Variants in BACH2 observed in about 807,000 individuals in gnomAD.
The protein encoded by BACH2 is transcription regulator protein BACH2.
A neutral mutation model predicts 61.8 loss-of-function variants in BACH2; 5 were observed. That is an observed-to-expected ratio of 0.08 (90% confidence interval 0.04 to 0.17). The LOEUF is 0.17. BACH2 is among the 10% of genes least tolerant of loss of function. The probability of loss-of-function intolerance (pLI) is 1.00; values close to 1 mark genes in which losing one functional copy is unlikely to be tolerated. For synonymous variants in BACH2, 446 were observed against 440.1 expected, an observed-to-expected ratio of 1.01 and a Z score of -0.17; for missense variants, 824 against 1,091.1, an observed-to-expected ratio of 0.76 and a Z score of 3.45.
chr6:90,048,427 G>C (rs9444735), intron 5 of BACH2, among the ~76,000 whole-genome samples: 21,299 of 152,142 alleles, frequency 0.14, 4,582 homozygotes, highest in African/African-American at 0.46. Flanking sequence ...CATGTCATCA[G>C]ACATGGTATT....
intron 3 of BACH2, among the ~76,000 whole-genome samples, chr6:90,214,843 C>T (rs897133195): frequency 2.0e-5 from 3 of 148,334 alleles, no homozygotes; most frequent in Non-Finnish European, 4.4e-5. Context: ...CTCACTGAAG[C>T]CTCAACCTCC....
At chr6:90,017,665 T>TA (rs890917544) in intron 5 of BACH2, among the ~76,000 whole-genome samples, 1 of 152,216 alleles carries the variant, frequency 6.6e-6, no homozygotes, top group African/African-American at 2.4e-5. Flanking sequence ...TGGTCTTTTA[T>TA]AAAAAATCTT....
chr6:90,218,920 C>CGTGTGTGTGTGT (rs3221352), intron 3 of BACH2, among the ~76,000 whole-genome samples: 46 of 140,494 alleles, frequency 3.3e-4, no homozygotes, highest in African/African-American at 1.1e-3. Flanking sequence ...GTTTCCTTTC[C>CGTGTGTGTGTGT]GTGTGTGTGT....
rs1189092524 is a variant in BACH2 at position 90,296,611 on chromosome 6, C to A, written c.-577G>T. ...AAGCTCGCGGAGGGGACGCGCATCACATGGCAGCTCGTTCCCAGCCCCCCG... is the reference window on the plus strand; with the variant it reads ...AAGCTCGCGGAGGGGACGCGCATCAAATGGCAGCTCGTTCCCAGCCCCCCG... On this transcript the variant is annotated 5_prime_UTR_variant, in exon 1 of 9. It removes an upstream start codon present in the reference 5' UTR. Coordinates refer to ENST00000257749, the MANE Select transcript of BACH2 (RefSeq NM_021813.4). 6.6e-6 allele frequency: 1 copy of A among 151,914 alleles called. No homozygotes were observed. Among genetic ancestry groups the A allele is most frequent in the African/African-American group, 2.4e-5 (1 of 41,288 alleles). The allele number at this position is 151,914 out of a possible 1,614,324, so 9.4% of individuals were successfully genotyped here.
chr6:89,969,713 G>A lies in BACH2; in HGVS notation c.244-17851C>T, dbSNP rs77402565. Among the ~76,000 whole-genome samples, 442 of 152,254 alleles carry A rather than the reference G, an allele frequency of 2.9e-3. 6 individuals carry two copies. Among genetic ancestry groups the A allele is most frequent in the African/African-American group, 0.01 (423 of 41,540 alleles). On this transcript the variant is annotated intron_variant, in intron 6 of 8. Transcript: ENST00000257749. ...CCCACCTAAATGAAACTTCAAATGG[G>A]GCTCATAAAAGGGAATGACATGACA...
rs146958135 is a variant in BACH2 at position 90,061,629 on chromosome 6, T to C, written c.-13+27332A>G. Among the ~76,000 whole-genome samples, 99 of 151,400 alleles carry C rather than the reference T, an allele frequency of 6.5e-4. 1 individual carries two copies. In the East Asian group the frequency reaches 0.015, roughly 22 times the overall value. On this transcript the variant is annotated intron_variant, in intron 5 of 8. Coordinates refer to ENST00000257749, the MANE Select transcript of BACH2 (RefSeq NM_021813.4). Reference sequence around the variant, plus strand: ...CAAGTGAGAGTGCAGAGAGAAAACATAGGGACAGACTGAGCCTCAGGGCAC... The same window carrying C: ...CAAGTGAGAGTGCAGAGAGAAAACACAGGGACAGACTGAGCCTCAGGGCAC...
intron 4 of BACH2, among the ~76,000 whole-genome samples, chr6:90,203,331 A>T (rs1769263368): frequency 7.7e-6 from 1 of 129,916 alleles, no homozygotes; most frequent in Non-Finnish European, 1.6e-5. Flanking sequence ...GGATTGCTTG[A>T]GTCCAGGAGG....
intron 5 of BACH2, among the ~76,000 whole-genome samples, chr6:90,047,786 G>C (rs1779859624): frequency 6.6e-6 from 1 of 152,070 alleles, no homozygotes; most frequent in Non-Finnish European, 1.5e-5. Context: ...CCCAAAACCA[G>C]AACTTGGGTT....
intron 4 of BACH2, among the ~76,000 whole-genome samples, chr6:90,185,390 T>C (rs947129486): frequency 3.9e-5 from 6 of 152,154 alleles, no homozygotes; most frequent in African/African-American, 2.4e-5. Context: ...ATTCTTAATA[T>C]GTAAAACATG....
At position 90,037,572 on chromosome 6, in the gene BACH2, G is replaced by C. The variant is rs569393622; in HGVS notation, c.-12-28716C>G. Among the ~76,000 whole-genome samples, 4 of 152,238 alleles carry C rather than the reference G, an allele frequency of 2.6e-5. No homozygotes were observed. In the East Asian group the frequency reaches 5.8e-4, roughly 22 times the overall value. ...TTGGATTACCTACCTCTTTCTGCAA[G>C]AGCTCAACAGCACGCTTCACATATC... On this transcript the variant is annotated intron_variant, in intron 5 of 8. Coordinates refer to ENST00000257749, the MANE Select transcript of BACH2 (RefSeq NM_021813.4).
chr6:90,190,425 T>G (rs986583635), intron 4 of BACH2, among the ~76,000 whole-genome samples: 1 of 152,264 alleles, frequency 6.6e-6, no homozygotes, highest in Admixed American at 6.5e-5. Flanking sequence ...TTTCTGCTCT[T>G]CTGCTAATAA....
intron 3 of BACH2, among the ~76,000 whole-genome samples, chr6:90,236,862 T>C (rs751486722): frequency 6.6e-6 from 1 of 152,174 alleles, no homozygotes; most frequent in Non-Finnish European, 1.5e-5. Flanking sequence ...CATGCACTTA[T>C]ACTATGTCCA....
intron 5 of BACH2, among the ~76,000 whole-genome samples, chr6:90,048,387 C>T (rs1385194499): frequency 2.6e-5 from 4 of 152,130 alleles, no homozygotes; most frequent in African/African-American, 7.2e-5. Context: ...CCTTGGTATC[C>T]CTTGGGCCTA....
At chr6:90,065,475 T>C (rs1195942562) in intron 5 of BACH2, among the ~76,000 whole-genome samples, 2 of 151,972 alleles carry the variant, frequency 1.3e-5, no homozygotes, top group African/African-American at 2.4e-5. Flanking sequence ...CTGTGGGCCA[T>C]ATGATCATCT....
At chr6:90,003,656 C>T (rs1375704017) in intron 6 of BACH2, among the ~76,000 whole-genome samples, 1 of 152,146 alleles carries the variant, frequency 6.6e-6, no homozygotes, top group Non-Finnish European at 1.5e-5. Flanking sequence ...GAGAGGAAGA[C>T]TAGTTTGCTG....
At position 89,931,935 on chromosome 6, in the gene BACH2, A is replaced by ATATATATATATATATATATATTT. The variant is rs1772671429; in HGVS notation, c.*472_*473insAAATATATATATATATATATATA. 2 of 448 alleles carry ATATATATATATATATATATATTT rather than the reference A, an allele frequency of 4.5e-3. No homozygotes were observed. The highest frequency in any genetic ancestry group is 0.071 in the South Asian group (1 of 14). 0.0% of individuals were successfully genotyped at this position (448 alleles called of 1,614,324 possible). A position where few individuals can be genotyped will look rare whatever the true frequency, so the allele number is the denominator to read the frequency against. ...AGGCATGCAGGACTTTTGCATATGG[A>ATATATATATATATATATATATTT]TATATATATATATATATATATATTT... On this transcript the variant is annotated 3_prime_UTR_variant, in exon 9 of 9. Coordinates refer to ENST00000257749, the MANE Select transcript of BACH2 (RefSeq NM_021813.4).
chr6:90,030,822 G>GAGGGAA (rs1778936774), intron 5 of BACH2, among the ~76,000 whole-genome samples: 1 of 151,872 alleles, frequency 6.6e-6, no homozygotes, highest in Non-Finnish European at 1.5e-5. Context: ...CCAATCAATA[G>GAGGGAA]AAAAAGAGGG....
intron 7 of BACH2, among the ~76,000 whole-genome samples, chr6:89,941,717 C>T (rs559890569): frequency 9.9e-5 from 15 of 152,240 alleles, no homozygotes; most frequent in Admixed American, 4.6e-4. Flanking sequence ...GAGGTGGTGG[C>T]GCTTTGGGGG....
chr6:90,195,976 T>C (rs981155167), intron 4 of BACH2, among the ~76,000 whole-genome samples: 2 of 152,198 alleles, frequency 1.3e-5, no homozygotes, highest in African/African-American at 2.4e-5. Flanking sequence ...TGTGTCAACA[T>C]TTAACTTATT....
Sources: allele counts gnomAD v4.1 joint callset (sites outside exome capture counted in the v4.1 genomes callset), GRCh38; gene constraint gnomAD v4.1.1; transcripts MANE v1.5; gene names NCBI Gene and HGNC (gene_info 2026-07-23, HGNC 2026-07-21).